The following CPEB2 variants were observed in gnomAD, a reference collection of about 807,000 sequenced individuals.
CPEB2 encodes cytoplasmic polyadenylation element binding protein 2, also known as cytoplasmic polyadenylation element-binding protein 2.
Under a neutral mutation model 93.6 loss-of-function variants are expected in CPEB2, and 56 were observed. The observed-to-expected ratio is 0.60, with a 90% CI of 0.48 to 0.75. The LOEUF (loss-of-function observed/expected upper bound fraction) is 0.75. Among genes scored for constraint, CPEB2 ranks in the 30% least tolerant of loss-of-function variants. The pLI is 0.00. For synonymous variants in CPEB2, 764 were observed against 586.3 expected, an observed-to-expected ratio of 1.30 and a Z score of -4.38; for missense variants, 1,579 against 1,395.1, an observed-to-expected ratio of 1.13 and a Z score of -2.10.
chr4:15,003,309 G>A lies in CPEB2; in HGVS notation c.636G>A (p.Pro212=). 2 of 1,428,258 alleles carry A rather than the reference G, an allele frequency of 1.4e-6. No homozygotes were observed. The allele number at this position is 1,428,258 out of a possible 1,614,324, so 88.5% of individuals were successfully genotyped here. A position where few individuals can be genotyped will look rare whatever the true frequency, so the allele number is the denominator to read the frequency against. The part of the protein sequence containing the change: ...LHCPGRFSPP[P]PPAGPLLQPA... The stretch of plus-strand genomic sequence containing the variant: ...GCCCCGGTCGGTTCAGCCCGCCGCC[G>A]CCGCCAGCCGGCCCGCTCCTCCAGC... Residue 212 remains proline (P), a synonymous_variant, in exon 1 of 12, where the codon CCG becomes CCA. Coordinates refer to ENST00000538197, the MANE Select transcript of CPEB2 (RefSeq NM_001177382.2).
At chr4:15,063,264 A>G (rs1416317946) in intron 11 of CPEB2, among the ~76,000 whole-genome samples, 1 of 152,012 alleles carries the variant, frequency 6.6e-6, no homozygotes, top group African/African-American at 2.4e-5. Context: ...TCCTCAATGT[A>G]ATTACCCAAC....
Position 15,004,205 on chromosome 4 carries a change from AGCCCCCGCC to A in CPEB2, c.1537_1545del (p.Pro513_Pro515del), listed in dbSNP as rs762293401. The A allele has an allele frequency of 1.3e-5, 19 of 1,460,174 alleles. No homozygotes were observed. Among genetic ancestry groups the A allele is most frequent in the African/African-American group, 6.0e-5 (4 of 66,270 alleles). The allele number at this position is 1,460,174 out of a possible 1,614,324, so 90.5% of individuals were successfully genotyped here. A position where few individuals can be genotyped will look rare whatever the true frequency, so the allele number is the denominator to read the frequency against. On this transcript the variant is annotated inframe_deletion, in exon 1 of 12. Coordinates refer to ENST00000538197, the MANE Select transcript of CPEB2 (RefSeq NM_001177382.2). ...CCCGCCATGAATATACCTCAACAGC[AGCCCCCGCC>A]GCCCGCGGCGCCGCAGCAGCCGCAG...
intron 6 of CPEB2, among the ~76,000 whole-genome samples, chr4:15,051,347 C>T (rs1728202276): frequency 1.3e-5 from 2 of 152,114 alleles, no homozygotes; most frequent in South Asian, 4.1e-4. Context: ...GCTTTTCTGG[C>T]TTTTACTCTC....
intron 3 of CPEB2, among the ~76,000 whole-genome samples, chr4:15,015,620 A>G (rs1190097649): frequency 6.6e-6 from 1 of 152,042 alleles, no homozygotes; most frequent in Non-Finnish European, 1.5e-5. Flanking sequence ...AGCTTTCTAA[A>G]GAACTGATTC....
chr4:15,053,090 C>T (rs947600274), intron 7 of CPEB2, among the ~76,000 whole-genome samples: 3 of 151,718 alleles, frequency 2.0e-5, no homozygotes, highest in African/African-American at 4.8e-5. Flanking sequence ...AATCTCGGCT[C>T]GCTGCAAACT....
chr4:15,017,796 A>G (rs973640557), intron 4 of CPEB2: 1 of 151,822 alleles, frequency 6.6e-6, no homozygotes, highest in African/African-American at 2.4e-5. Flanking sequence ...GAACCGGCCC[A>G]CTTACCCTAT....
chr4:15,049,376 T>C (rs906281716), intron 6 of CPEB2, among the ~76,000 whole-genome samples: 1 of 152,128 alleles, frequency 6.6e-6, no homozygotes, highest in Non-Finnish European at 1.5e-5. Flanking sequence ...TTATTTGTGT[T>C]AGGGCATTTT....
chr4:15,004,385 C>A, intron 1 of CPEB2, 50 bp downstream of exon 1: 1 of 1,326,764 alleles, frequency 7.5e-7, no homozygotes, highest in Non-Finnish European at 9.8e-7. Flanking sequence ...AGACCATGGG[C>A]GGGGGACGGA....
chr4:15,063,294 A>G (rs1245714968), intron 11 of CPEB2, among the ~76,000 whole-genome samples: 1 of 151,940 alleles, frequency 6.6e-6, no homozygotes, highest in Non-Finnish European at 1.5e-5. Context: ...TAGAAAAGAA[A>G]TGCAGCATAG....
chr4:15,044,129 GA>G (rs1727443908), intron 6 of CPEB2, among the ~76,000 whole-genome samples: 1 of 151,870 alleles, frequency 6.6e-6, no homozygotes, highest in Non-Finnish European at 1.5e-5. Context: ...TCTGAAGCAT[GA>G]AAAAAAAGCT....
intron 4 of CPEB2, among the ~76,000 whole-genome samples, chr4:15,021,014 G>A (rs1418722299): frequency 6.6e-6 from 1 of 152,132 alleles, no homozygotes; most frequent in Non-Finnish European, 1.5e-5. Flanking sequence ...ATGTGCAAAA[G>A]CATGGAAGAG....
At chr4:15,007,269 T>C (rs772936993) in intron 1 of CPEB2, 36 bp from the exon 2 acceptor site, 3 of 1,406,170 alleles carry the variant, frequency 2.1e-6, no homozygotes, top group East Asian at 5.0e-5. Flanking sequence ...GTAAATTCTT[T>C]AAATGCCGCA....
Position 15,007,424 on chromosome 4 carries a change from A to T in CPEB2, c.1782A>T (p.Pro594=), listed in dbSNP as rs112080565. ...DHRRTGNMGI[P]GTMNQISPLK... ...GTAGAACCGGAAACATGGGAATCCC[A>T]GGAACTATGAATCAGATATCTCCAT... The change falls in exon 2 of 12, where the codon CCA becomes CCT. Residue 594 remains proline, a synonymous_variant. Transcript: ENST00000538197. 6.2e-7 allele frequency: 1 copy of T among 1,614,170 alleles called. No homozygotes were observed. The highest frequency in any genetic ancestry group is 8.5e-7 in the Non-Finnish European group (1 of 1,179,996).
chr4:15,054,673 T>C (rs1577458231), intron 8 of CPEB2, among the ~76,000 whole-genome samples: 2 of 152,254 alleles, frequency 1.3e-5, no homozygotes, highest in African/African-American at 4.8e-5. Context: ...TAGTCAGTTA[T>C]TGCTAGGAAG....
At chr4:15,011,577 T>C (rs1419807624) in intron 3 of CPEB2, among the ~76,000 whole-genome samples, 1 of 152,178 alleles carries the variant, frequency 6.6e-6, no homozygotes, top group Non-Finnish European at 1.5e-5. Context: ...GAGGATTGAA[T>C]GCCTGAGCCC....
chr4:15,058,377 T>C, intron 8 of CPEB2, 44 bp from the exon 9 acceptor site: 1 of 1,130,256 alleles, frequency 8.8e-7, no homozygotes, highest in Non-Finnish European at 1.3e-6. Context: ...TGGAGTAAAA[T>C]CACTTGGCTT....
At chr4:15,053,815 C>A (rs181421181) in intron 7 of CPEB2, among the ~76,000 whole-genome samples, 158 of 151,844 alleles carry the variant, frequency 1.0e-3, no homozygotes, top group Admixed American at 4.5e-3. Flanking sequence ...TTTTTCAATC[C>A]AGTGCTATTT....
At chr4:15,043,583 G>A (rs1465501369) in intron 6 of CPEB2, among the ~76,000 whole-genome samples, 1 of 152,094 alleles carries the variant, frequency 6.6e-6, no homozygotes, top group African/African-American at 2.4e-5. Context: ...GGGTTGTGAA[G>A]GGAGGCGTGA....
chr4:15,051,890 T>C (rs1421385008), intron 6 of CPEB2, among the ~76,000 whole-genome samples: 1 of 152,248 alleles, frequency 6.6e-6, no homozygotes, highest in African/African-American at 2.4e-5. Flanking sequence ...ATTTTGCACA[T>C]GTGCGGAAGC....
Sources: gnomAD v4.1 joint callset for allele counts (sites outside exome capture counted in the v4.1 genomes callset) on GRCh38, gnomAD v4.1.1 for gene constraint, MANE v1.5 for transcripts, NCBI Gene and HGNC (gene_info 2026-07-23, HGNC 2026-07-21) for gene names.